The following CDS2 variants were observed in gnomAD, a reference collection of about 807,000 sequenced individuals.
CDS2 encodes the protein CDP-diacylglycerol synthase 2.
In CDS2, 47 loss-of-function variants were observed where a neutral mutation model predicts 59.0. The observed-to-expected ratio is 0.80, with a 90% CI of 0.63 to 1.02. CDS2 has a LOEUF of 1.02. CDS2 is among the 50% of genes least tolerant of loss of function. The probability of loss-of-function intolerance (pLI) is 0.00; values close to 1 mark genes in which losing one functional copy is unlikely to be tolerated. For synonymous variants in CDS2, 207 were observed against 206.4 expected, an observed-to-expected ratio of 1.00 and a Z score of -0.02; for missense variants, 356 against 558.9, an observed-to-expected ratio of 0.64 and a Z score of 3.66.
chr20:5,137,563 A>AT (rs11395331), intron 1 of CDS2, among the ~76,000 whole-genome samples: 48,754 of 151,684 alleles, frequency 0.32, 8,395 homozygotes, highest in Non-Finnish European at 0.39. Context: ...TTTAAGTCTT[A>AT]TTTTTTCAAA....
intron 1 of CDS2, 142 bp downstream of exon 1, chr20:5,127,291 C>G (rs2090561549): frequency 2.9e-6 from 2 of 679,012 alleles, no homozygotes; most frequent in Non-Finnish European, 4.3e-6. Flanking sequence ...GCGCGAAGGG[C>G]CCTCGGGTGC....
chr20:5,177,750 C>G (rs1471053106), intron 4 of CDS2, among the ~76,000 whole-genome samples: 2 of 152,162 alleles, frequency 1.3e-5, no homozygotes, highest in East Asian at 3.9e-4. Context: ...CTGGGCACCC[C>G]CTTCCTGAGG....
At chr20:5,149,814 C>T (rs1329493136) in intron 1 of CDS2, among the ~76,000 whole-genome samples, 1 of 152,148 alleles carries the variant, frequency 6.6e-6, no homozygotes, top group African/African-American at 2.4e-5. Flanking sequence ...CCCCCGGGTT[C>T]AAGTGATTCT....
chr20:5,193,812 A>G lies in CDS2; in HGVS notation c.*3578A>G, dbSNP rs2091136172. 2.0e-5 allele frequency: 3 copies of G among 152,240 alleles called. No individual in the cohort carries two copies. In the South Asian group the frequency reaches 6.2e-4, roughly 32 times the overall value. The allele number at this position is 152,240 out of a possible 1,614,324, so 9.4% of individuals were successfully genotyped here. On this transcript the variant is annotated 3_prime_UTR_variant, in exon 13 of 13. Coordinates refer to ENST00000460006, the MANE Select transcript of CDS2 (RefSeq NM_003818.4). Reference sequence around the variant, plus strand: ...CAAGGGGGTAGATTTTCATCACCCTACTAAATGTGGTATGTCACTGCTGAA... The same window carrying G: ...CAAGGGGGTAGATTTTCATCACCCTGCTAAATGTGGTATGTCACTGCTGAA...
intron 1 of CDS2, among the ~76,000 whole-genome samples, chr20:5,137,196 T>C (rs572020892): frequency 3.3e-5 from 5 of 151,824 alleles, no homozygotes; most frequent in Admixed American, 3.3e-4. Context: ...TGATTCTTGC[T>C]CTTTCCTACC....
intron 1 of CDS2, among the ~76,000 whole-genome samples, chr20:5,141,375 G>A (rs1262843862): frequency 6.6e-6 from 1 of 152,172 alleles, no homozygotes; most frequent in Non-Finnish European, 1.5e-5. Context: ...CTCTATAAAA[G>A]GCTTTAGAGG....
At chr20:5,161,022 A>G (rs979848115) in intron 1 of CDS2, among the ~76,000 whole-genome samples, 2 of 152,224 alleles carry the variant, frequency 1.3e-5, no homozygotes, top group African/African-American at 4.8e-5. Context: ...TGGGTGTACA[A>G]ATATCTCTTT....
chr20:5,185,883 C>T, intron 9 of CDS2, 57 bp downstream of exon 9: 2 of 1,462,256 alleles, frequency 1.4e-6, no homozygotes, highest in Non-Finnish European at 1.9e-6. Context: ...CTCATACCAC[C>T]TTCCAAGGCC....
chr20:5,188,973 A>G, intron 10 of CDS2, 94 bp from the exon 11 acceptor site: 1 of 1,532,054 alleles, frequency 6.5e-7, no homozygotes, highest in Non-Finnish European at 9.0e-7. Context: ...CAGTGAGGCC[A>G]CAATGAGGAT....
rs1466197990 is a variant in CDS2, at chr20:5,193,356, C to T, written c.*3122C>T. 6.6e-6 allele frequency: 1 copy of T among 152,242 alleles called. No homozygotes were observed. The highest frequency in any genetic ancestry group is 1.5e-5 in the Non-Finnish European group (1 of 68,038). The allele number at this position is 152,242 out of a possible 1,614,324, so 9.4% of individuals were successfully genotyped here. On this transcript the variant is annotated 3_prime_UTR_variant, in exon 13 of 13. Coordinates refer to ENST00000460006, the MANE Select transcript of CDS2 (RefSeq NM_003818.4). Reference sequence around the variant, plus strand: ...CTATAATGTATGAGAACTAGTTTCACATCCTTTGAAACTAATCTCTTTCAT... The same window carrying T: ...CTATAATGTATGAGAACTAGTTTCATATCCTTTGAAACTAATCTCTTTCAT...
intron 9 of CDS2, 74 bp downstream of exon 9, chr20:5,185,900 G>C (rs370362507): frequency 7.2e-6 from 10 of 1,383,922 alleles, no homozygotes; most frequent in South Asian, 7.0e-5. Context: ...GGCCTGTCCA[G>C]AGCTGGAGAG....
chr20:5,177,721 C>T (rs1413495537), intron 4 of CDS2, among the ~76,000 whole-genome samples: 1 of 152,218 alleles, frequency 6.6e-6, no homozygotes, highest in African/African-American at 2.4e-5. Flanking sequence ...TCAAGGAAGC[C>T]GATGTGCTCA....
In CDS2 at chr20:5,190,325, G is replaced by A; in HGVS notation, c.*91G>A. On this transcript the variant is annotated 3_prime_UTR_variant, in exon 13 of 13. Transcript: ENST00000460006. ...GCTGGTGTGACTTAGACAATGACGA[G>A]GCTTCAACTCACTGTCTTTTTTTTT... 2 of 1,272,000 alleles carry A rather than the reference G, an allele frequency of 1.6e-6. No individual in the cohort carries two copies. Among genetic ancestry groups the A allele is most frequent in the Non-Finnish European group, 1.1e-6 (1 of 942,520 alleles). 78.8% of individuals were successfully genotyped at this position (1,272,000 alleles called of 1,614,324 possible). A position where few individuals can be genotyped will look rare whatever the true frequency, so the allele number is the denominator to read the frequency against.
intron 1 of CDS2, among the ~76,000 whole-genome samples, chr20:5,170,454 G>T (rs556420571): frequency 7.5e-4 from 111 of 147,566 alleles, no homozygotes; most frequent in African/African-American, 2.7e-3. Context: ...AAGACTGCAG[G>T]CCTCCAGGTT....
chr20:5,144,481 C>T (rs957498354), intron 1 of CDS2, among the ~76,000 whole-genome samples: 9 of 152,110 alleles, frequency 5.9e-5, no homozygotes, highest in Non-Finnish European at 1.0e-4. Flanking sequence ...TCCCTGAACT[C>T]GCAAACTTTA....
rs140279845 is a variant in CDS2, at chr20:5,156,603, C to T, written c.58-16920C>T. ...GATGTCATTGGAGAGGATTCAGATG[C>T]GATTAATTGTAAATGCAGGCAGCCA... On this transcript the variant is annotated intron_variant, in intron 1 of 12. Transcript: ENST00000460006. Among the ~76,000 whole-genome samples the T allele has an allele frequency of 7.3e-3, 1,107 of 151,982 alleles. 21 individuals are homozygous for T. Among genetic ancestry groups the T allele is most frequent in the African/African-American group, 0.025 (1,036 of 41,440 alleles).
rs2091164113 is a variant in CDS2, at chr20:5,197,223, A to T, written c.*6989A>T. 1 of 140,322 alleles carries T rather than the reference A, an allele frequency of 7.1e-6. No homozygotes were observed. The highest frequency in any genetic ancestry group is 2.6e-5 in the African/African-American group (1 of 37,766). The allele number at this position is 140,322 out of a possible 1,614,324, so 8.7% of individuals were successfully genotyped here. ...AGCCCCTCTGTTGAAGGATCTTGGG[A>T]ACCTTGGTGGTTTTTTTTTTTTTTT... On this transcript the variant is annotated 3_prime_UTR_variant, in exon 13 of 13. Coordinates refer to ENST00000460006, the MANE Select transcript of CDS2 (RefSeq NM_003818.4).
intron 1 of CDS2, among the ~76,000 whole-genome samples, chr20:5,158,788 C>T (rs956458199): frequency 6.6e-6 from 1 of 152,180 alleles, no homozygotes; most frequent in African/African-American, 2.4e-5. Context: ...TTGTATCTTA[C>T]AAGGTGCATC....
rs959046307 is a variant in CDS2 at position 5,196,627 on chromosome 20, C to T, written c.*6393C>T. 2.0e-5 allele frequency: 3 copies of T among 152,194 alleles called. No individual in the cohort carries two copies. The highest frequency in any genetic ancestry group is 7.2e-5 in the African/African-American group (3 of 41,442). 9.4% of individuals were successfully genotyped at this position (152,194 alleles called of 1,614,324 possible). A position where few individuals can be genotyped will look rare whatever the true frequency, so the allele number is the denominator to read the frequency against. ...CCTGCGCTAGGTTCTTGTATGCTGG[C>T]TTTTCTTAAAGGAACAGCAGAGTAG... On this transcript the variant is annotated 3_prime_UTR_variant, in exon 13 of 13. Transcript: ENST00000460006.
Sources: allele counts gnomAD v4.1 joint callset (sites outside exome capture counted in the v4.1 genomes callset), GRCh38; gene constraint gnomAD v4.1.1; transcripts MANE v1.5; gene names NCBI Gene and HGNC (gene_info 2026-07-23, HGNC 2026-07-21).